The following BCLAF1 variants were observed in gnomAD, a reference collection of about 807,000 sequenced individuals.
BCLAF1 encodes the protein BCL2 associated transcription factor 1.
A neutral mutation model predicts 99.5 loss-of-function variants in BCLAF1; 10 were observed. That is an observed-to-expected ratio of 0.10 (90% confidence interval 0.06 to 0.17). The LOEUF (loss-of-function observed/expected upper bound fraction) is 0.17. Among genes scored for constraint, BCLAF1 ranks in the 10% least tolerant of loss-of-function variants. The probability of loss-of-function intolerance (pLI) is 1.00; values close to 1 mark genes in which losing one functional copy is unlikely to be tolerated. For missense variants in BCLAF1, 636 were observed against 1,105.8 expected (o/e 0.58, Z 6.02); for synonymous variants, 255 against 370.9 (o/e 0.69, Z 3.59).
rs144705359 is a variant in BCLAF1, at chr6:136,269,009, T to G, written c.2219+428A>C. ...ATTATTTTGAAAGACTAATACACAT[T>G]GCTATTTCTAGTCCTTCCTCCCCCC... On this transcript the variant is annotated intron_variant, in intron 9 of 12. Transcript: ENST00000531224. 1.2e-3 allele frequency: 712 copies of G among 608,432 alleles called. 1 individual carries two copies. The highest frequency in any genetic ancestry group is 1.5e-3 in the Non-Finnish European group (685 of 454,406). The allele number at this position is 608,432 out of a possible 1,614,324, so 37.7% of individuals were successfully genotyped here.
intron 11 of BCLAF1, among the ~76,000 whole-genome samples, chr6:136,263,770 A>G (rs949702921): frequency 7.2e-5 from 11 of 152,306 alleles, no homozygotes; most frequent in African/African-American, 2.4e-4. Context: ...TGCCTACTTC[A>G]GTACTTTCCC....
chr6:136,279,140 A>G (rs1784013094), intron 3 of BCLAF1, among the ~76,000 whole-genome samples: 1 of 152,164 alleles, frequency 6.6e-6, no homozygotes, highest in Admixed American at 6.6e-5. Flanking sequence ...CATAATATAT[A>G]GTTAAATGGG....
At chr6:136,289,397 G>A (rs1008534094) in intron 1 of BCLAF1, among the ~76,000 whole-genome samples, 1 of 152,194 alleles carries the variant, frequency 6.6e-6, no homozygotes, top group Non-Finnish European at 1.5e-5. Context: ...ACGGGCTGAA[G>A]AAATGGGGGA....
intron 11 of BCLAF1, among the ~76,000 whole-genome samples, chr6:136,265,440 T>C (rs909546594): frequency 6.6e-6 from 1 of 152,198 alleles, no homozygotes; most frequent in African/African-American, 2.4e-5. Context: ...CCATAAATGT[T>C]ACTTTCTCAA....
Position 136,260,099 on chromosome 6 carries a change from C to T in BCLAF1, c.*1011G>A, listed in dbSNP as rs1780781922. On this transcript the variant is annotated 3_prime_UTR_variant, in exon 13 of 13. Coordinates refer to ENST00000531224, the MANE Select transcript of BCLAF1 (RefSeq NM_014739.3). Reference sequence around the variant, plus strand: ...TTTGAAAAACAATTTTTTTAAAATACTATTAATGAACAGTATGCTGTGTTT... The same window carrying T: ...TTTGAAAAACAATTTTTTTAAAATATTATTAATGAACAGTATGCTGTGTTT... The T allele has an allele frequency of 6.6e-6, 1 of 151,994 alleles. No individual in the cohort carries two copies. The highest frequency in any genetic ancestry group is 2.4e-5 in the African/African-American group (1 of 41,432). The allele number at this position is 151,994 out of a possible 1,614,324, so 9.4% of individuals were successfully genotyped here.
At chr6:136,289,215 G>C (rs892327252) in intron 1 of BCLAF1, among the ~76,000 whole-genome samples, 10 of 152,230 alleles carry the variant, frequency 6.6e-5, no homozygotes, top group African/African-American at 2.4e-4. Context: ...ACTTTGCTGC[G>C]GGTCACAGTT....
Position 136,269,801 on chromosome 6 carries a change from T to C in BCLAF1, c.2044-189A>G, listed in dbSNP as rs1340290332. 26 of 432,024 alleles carry C rather than the reference T, an allele frequency of 6.0e-5. No individual in the cohort carries two copies. In the East Asian group the frequency reaches 9.3e-4, roughly 15 times the overall value. 26.8% of individuals were successfully genotyped at this position (432,024 alleles called of 1,614,324 possible). Reference sequence around the variant, plus strand: ...GTACTTGACTATTTTTACTAAACATTTGTGTATACAAAGTGCAGTGGGACT... The same window carrying C: ...GTACTTGACTATTTTTACTAAACATCTGTGTATACAAAGTGCAGTGGGACT... On this transcript the variant is annotated intron_variant, in intron 8 of 12. Coordinates refer to ENST00000531224, the MANE Select transcript of BCLAF1 (RefSeq NM_014739.3).
chr6:136,284,498 G>C (rs891088151), intron 1 of BCLAF1, among the ~76,000 whole-genome samples: 1 of 152,196 alleles, frequency 6.6e-6, no homozygotes, highest in African/African-American at 2.4e-5. Flanking sequence ...ACCAAATCGA[G>C]AACAGTTATC....
chr6:136,284,126 G>GTATATATATATATATATATATA (rs1212310238), intron 1 of BCLAF1, among the ~76,000 whole-genome samples: 1 of 76,160 alleles, frequency 1.3e-5, no homozygotes, highest in African/African-American at 8.3e-5. Context: ...ATGTGTGTGT[G>GTATATATATATATATATATATA]TGTGTATATA....
chr6:136,280,255 T>C (rs1234617851), intron 2 of BCLAF1, among the ~76,000 whole-genome samples: 1 of 152,154 alleles, frequency 6.6e-6, no homozygotes, highest in Non-Finnish European at 1.5e-5. Context: ...ATAAAGGTAC[T>C]ACAGATAAGG....
In BCLAF1 at chr6:136,257,323, T is replaced by A. The variant is rs760704515; in HGVS notation, c.*3787A>T. The A allele has an allele frequency of 6.6e-6, 1 of 152,190 alleles. No homozygotes were observed. The highest frequency in any genetic ancestry group is 1.5e-5 in the Non-Finnish European group (1 of 68,014). The allele number at this position is 152,190 out of a possible 1,614,324, so 9.4% of individuals were successfully genotyped here. On this transcript the variant is annotated 3_prime_UTR_variant, in exon 13 of 13. Coordinates refer to ENST00000531224, the MANE Select transcript of BCLAF1 (RefSeq NM_014739.3). ...TGCCTGTTCTCTTTAATCAGTGAGA[T>A]TCATTTTTAAAGGCCAAGGTATAGT...
intron 10 of BCLAF1, among the ~76,000 whole-genome samples, chr6:136,267,493 T>C (rs1196728681): frequency 6.6e-6 from 1 of 151,952 alleles, no homozygotes; most frequent in African/African-American, 2.4e-5. Flanking sequence ...TGAATTATCA[T>C]AGAAGCCCCA....
chr6:136,284,144 A>G (rs1052448492), intron 1 of BCLAF1, among the ~76,000 whole-genome samples: 30 of 145,876 alleles, frequency 2.1e-4, no homozygotes, highest in African/African-American at 7.2e-4. Flanking sequence ...ATATATATAT[A>G]TATATATATA....
intron 2 of BCLAF1, among the ~76,000 whole-genome samples, chr6:136,281,177 C>T (rs1440800446): frequency 6.6e-6 from 1 of 152,148 alleles, no homozygotes; most frequent in Non-Finnish European, 1.5e-5. Context: ...AATAGACTAC[C>T]ACCTTTGTCT....
At chr6:136,262,563 A>G (rs1781156487) in intron 11 of BCLAF1, among the ~76,000 whole-genome samples, 1 of 152,188 alleles carries the variant, frequency 6.6e-6, no homozygotes, top group African/African-American at 2.4e-5. Flanking sequence ...CTAACAGACC[A>G]TATGAAAGAG....
intron 1 of BCLAF1, among the ~76,000 whole-genome samples, chr6:136,287,946 G>A (rs1379941549): frequency 6.6e-6 from 1 of 152,154 alleles, no homozygotes; most frequent in African/African-American, 2.4e-5. Context: ...GCTTGGACCC[G>A]GAGACGGAGG....
chr6:136,275,724 A>T (rs1215758627), intron 5 of BCLAF1, 23 bp from the exon 6 acceptor site: 1 of 1,569,904 alleles, frequency 6.4e-7, no homozygotes, highest in Non-Finnish European at 8.6e-7. Context: ...GATAACACAC[A>T]CACACACAAA....
intron 3 of BCLAF1, 95 bp downstream of exon 3, chr6:136,279,659 TGAGAATAAA>T (rs1784092521): frequency 8.6e-7 from 1 of 1,159,882 alleles, no homozygotes; most frequent in Non-Finnish European, 1.1e-6. Context: ...CAGGGTTCTT[TGAGAATAAA>T]ATACATTTTG....
intron 3 of BCLAF1, 65 bp from the exon 4 acceptor site, chr6:136,278,841 C>T: frequency 7.3e-7 from 1 of 1,363,374 alleles, no homozygotes; most frequent in Non-Finnish European, 9.6e-7. Context: ...TCTAAATACT[C>T]TGGTTGAATA....
Sources: gnomAD v4.1 joint callset for allele counts (sites outside exome capture counted in the v4.1 genomes callset) on GRCh38, gnomAD v4.1.1 for gene constraint, MANE v1.5 for transcripts, NCBI Gene and HGNC (gene_info 2026-07-23, HGNC 2026-07-21) for gene names.